DMD: variants seen among roughly 807,000 people sequenced by gnomAD.
DMD encodes mutant dystrophin.
Under a neutral mutation model 330.1 loss-of-function variants are expected in DMD, and 63 were observed. That is an observed-to-expected ratio of 0.19 (90% CI 0.16 to 0.24). The LOEUF (loss-of-function observed/expected upper bound fraction) is 0.24, where lower values mean the gene tolerates loss of function less well. Ranked by LOEUF, DMD falls within the 10% of genes least tolerant of loss-of-function variation. DMD has a pLI of 1.00. For missense variants in DMD, 3,344 were observed against 2,684.1 expected (o/e 1.25, Z -5.43); for synonymous variants, 1,223 against 959.8 (o/e 1.27, Z -5.07).
At chrX:31,762,560 T>A (rs1343725339) in intron 51 of DMD, among the ~76,000 whole-genome samples, 1 of 111,244 alleles carries the variant, frequency 9.0e-6, no homozygotes, top group Non-Finnish European at 1.9e-5. Flanking sequence ...AGAGACTCCA[T>A]CTCAAAACAA....
At chrX:32,743,125 C>A (rs919751332) in intron 7 of DMD, among the ~76,000 whole-genome samples, 1 of 111,277 alleles carries the variant, frequency 9.0e-6, no homozygotes, top group Non-Finnish European at 1.9e-5. Flanking sequence ...TGCAATAGAT[C>A]AAAAATGCTA....
intron 30 of DMD, among the ~76,000 whole-genome samples, chrX:32,391,376 G>A (rs904426623): frequency 9.0e-6 from 1 of 111,059 alleles, no homozygotes; most frequent in Non-Finnish European, 1.9e-5. Context: ...TTTCCAGAGC[G>A]AACTATAGCC....
intron 4 of DMD, among the ~76,000 whole-genome samples, chrX:32,829,998 T>G (rs1270659547): frequency 8.9e-6 from 1 of 111,935 alleles, no homozygotes; most frequent in Non-Finnish European, 1.9e-5. Context: ...TTTTGTCTCT[T>G]GTACATGTCT....
chrX:33,095,964 ATTTTTTT>A (rs35906927), intron 1 of DMD, among the ~76,000 whole-genome samples: 2 of 51,550 alleles, frequency 3.9e-5, no homozygotes, highest in African/African-American at 1.5e-4. Context: ...TTCTTCCAGA[ATTTTTTT>A]TTTTTTTTTT....
At chrX:32,388,925 G>A (rs968219295) in intron 32 of DMD, among the ~76,000 whole-genome samples, 1 of 111,379 alleles carries the variant, frequency 9.0e-6, no homozygotes, top group Non-Finnish European at 1.9e-5. Context: ...TTATACTTTA[G>A]GCTATTTGTA....
At position 31,545,004 on chromosome X, in the gene DMD, C is replaced by A. The variant is rs754844023; in HGVS notation, c.8218-37551G>T. On this transcript the variant is annotated intron_variant, in intron 55 of 78. Coordinates refer to ENST00000357033, the MANE Select transcript of DMD (RefSeq NM_004006.3). Reference sequence around the variant, plus strand: ...AAGGAAGATCAGAGCCTGGTCTTTTCATCTCTGGAAACCTAGATGTGGTTT... The same window carrying A: ...AAGGAAGATCAGAGCCTGGTCTTTTAATCTCTGGAAACCTAGATGTGGTTT... 4.5e-5 allele frequency among the ~76,000 whole-genome samples: 5 copies of A among 111,901 alleles called. No individual in the cohort carries two copies. The South Asian group carries it at 1.9e-3, about 42-fold the overall frequency.
chrX:31,910,892 C>G (rs746388680), intron 47 of DMD, among the ~76,000 whole-genome samples: 1 of 112,092 alleles, frequency 8.9e-6, no homozygotes, highest in African/African-American at 3.2e-5. Flanking sequence ...ATTTCTATAG[C>G]TGAATGACAC....
chrX:31,135,471 CATA>C (rs2035102481), intron 76 of DMD, among the ~76,000 whole-genome samples: 1 of 111,960 alleles, frequency 8.9e-6, no homozygotes. Context: ...ACTACTTTAT[CATA>C]ATTATGTTTT....
intron 44 of DMD, among the ~76,000 whole-genome samples, chrX:32,041,193 C>T (rs1469124344): frequency 8.9e-6 from 1 of 112,418 alleles, no homozygotes. Context: ...TAAGCCAGCT[C>T]TTTGGAGCTT....
intron 52 of DMD, among the ~76,000 whole-genome samples, chrX:31,707,091 G>A (rs2084257273): frequency 9.2e-6 from 1 of 108,410 alleles, no homozygotes; most frequent in Non-Finnish European, 1.9e-5. Flanking sequence ...TTTTTTCTCT[G>A]CTAAATCTCT....
At chrX:32,814,931 G>A (rs1246620809) in intron 6 of DMD, among the ~76,000 whole-genome samples, 5 of 110,942 alleles carry the variant, frequency 4.5e-5, no homozygotes, top group Admixed American at 1.9e-4. Flanking sequence ...CAATATTTTC[G>A]GGCCCTTAGT....
At chrX:32,821,578 A>T (rs1444998703) in intron 5 of DMD, among the ~76,000 whole-genome samples, 1 of 108,918 alleles carries the variant, frequency 9.2e-6, no homozygotes, top group African/African-American at 3.4e-5. Context: ...ACAGAGCAAG[A>T]CTCTGTCTCA....
At chrX:33,213,439 C>T (rs1273794160), upstream of DMD, among the ~76,000 whole-genome samples, 2 of 111,387 alleles carry the variant, frequency 1.8e-5, no homozygotes, top group Admixed American at 9.6e-5. Flanking sequence ...GTGAAAGGCA[C>T]GTAAAATAAA....
At chrX:31,454,951 C>CT (rs61091457) in intron 59 of DMD, among the ~76,000 whole-genome samples, 2,637 of 80,107 alleles carry the variant, frequency 0.033, 53 homozygotes, top group Non-Finnish European at 0.05. Flanking sequence ...TTTTCTTTTT[C>CT]TTTTTTTTTT....
chrX:32,996,814 CAAA>C (rs765407106), intron 2 of DMD, among the ~76,000 whole-genome samples: 1 of 81,777 alleles, frequency 1.2e-5, no homozygotes. Context: ...AAGACTGTTT[CAAA>C]AAAAAAAAAA....
At position 32,412,163 on chromosome X, in the gene DMD, T is replaced by C. The variant is rs186100344; in HGVS notation, c.4072-250A>G. 19 of 1,121,485 alleles carry C rather than the reference T, an allele frequency of 1.7e-5. No individual in the cohort carries two copies. The African/African-American group carries it at 3.4e-4, about 20-fold the overall frequency. 92.4% of individuals were successfully genotyped at this position (1,121,485 alleles called of 1,213,427 possible). A position where few individuals can be genotyped will look rare whatever the true frequency, so the allele number is the denominator to read the frequency against. On this transcript the variant is annotated intron_variant, in intron 29 of 78. Transcript: ENST00000357033. The stretch of plus-strand genomic sequence containing the variant: ...AAAATCAATCACAATATCACGTACA[T>C]TAAGGAAATAGGCTGGAAAAAAAAT...
At chrX:32,067,910 A>T (rs1177856626) in intron 44 of DMD, among the ~76,000 whole-genome samples, 1 of 111,757 alleles carries the variant, frequency 8.9e-6, no homozygotes, top group East Asian at 2.8e-4. Flanking sequence ...GTTCTATTTT[A>T]AGTTCTTTGA....
At chrX:33,039,913 G>C (rs2094270355) in intron 1 of DMD, among the ~76,000 whole-genome samples, 1 of 110,874 alleles carries the variant, frequency 9.0e-6, no homozygotes, top group Non-Finnish European at 1.9e-5. Flanking sequence ...GTGGCCACAA[G>C]GCAACGAGGT....
At chrX:32,731,266 A>C (rs192264686) in intron 7 of DMD, among the ~76,000 whole-genome samples, 1,879 of 112,281 alleles carry the variant, frequency 0.017, 44 homozygotes, top group African/African-American at 0.057. Context: ...GTCCTACCCC[A>C]ACGGAATCTC....
Sources: gnomAD v4.1 joint callset for allele counts (sites outside exome capture counted in the v4.1 genomes callset) on GRCh38, gnomAD v4.1.1 for gene constraint, MANE v1.5 for transcripts, NCBI Gene and HGNC (gene_info 2026-07-23, HGNC 2026-07-21) for gene names.